The following PTPRO variants were observed in gnomAD, a reference collection of about 807,000 sequenced individuals.
PTPRO encodes protein tyrosine phosphatase receptor type O.
PTPRO carries 62 observed loss-of-function variants against 145.2 expected under a neutral mutation model. That is an observed-to-expected ratio of 0.43 (90% CI 0.35 to 0.53). The LOEUF (loss-of-function observed/expected upper bound fraction) is 0.53, where lower values mean the gene tolerates loss of function less well. Among genes scored for constraint, PTPRO ranks in the 20% least tolerant of loss-of-function variants. PTPRO has a pLI of 0.01. For synonymous variants in PTPRO, 565 were observed against 514.7 expected (o/e 1.10, Z -1.32); for missense variants, 1,345 against 1,482.7 (o/e 0.91, Z 1.53).
rs535624404 is a variant in PTPRO, at chr12:15,448,038, A to T, written c.76-35936A>T. Among the ~76,000 whole-genome samples the T allele has an allele frequency of 1.8e-4, 28 of 152,230 alleles. No homozygotes were observed. The South Asian group carries it at 5.8e-3, about 32-fold the overall frequency. The stretch of plus-strand genomic sequence containing the variant: ...TCCATTTTCAAATATTCCAAATGGC[A>T]TTTACTTGTGGTAACTGTAATAATA... On this transcript the variant is annotated intron_variant, in intron 1 of 26. Transcript: ENST00000281171.
At chr12:15,448,419 T>TA (rs1940962980) in intron 1 of PTPRO, among the ~76,000 whole-genome samples, 1 of 146,320 alleles carries the variant, frequency 6.8e-6, no homozygotes, top group Non-Finnish European at 1.5e-5. Context: ...TGTCTTCACT[T>TA]ACAGAAAGGC....
intron 1 of PTPRO, among the ~76,000 whole-genome samples, chr12:15,352,798 G>A (rs553656599): frequency 3.0e-4 from 45 of 152,206 alleles, no homozygotes; most frequent in African/African-American, 9.4e-4. Context: ...TGATACACAC[G>A]AATTGGAAGA....
At chr12:15,472,884 T>C (rs1475351974) in intron 1 of PTPRO, among the ~76,000 whole-genome samples, 2 of 152,156 alleles carry the variant, frequency 1.3e-5, no homozygotes, top group Non-Finnish European at 2.9e-5. Context: ...TCTGCATTCA[T>C]ACATACTGAA....
chr12:15,521,815 C>T (rs1167475018), intron 10 of PTPRO, among the ~76,000 whole-genome samples: 4 of 152,106 alleles, frequency 2.6e-5, no homozygotes, highest in African/African-American at 9.7e-5. Flanking sequence ...GGCTTCCTGG[C>T]TCAAGTGGTT....
chr12:15,391,154 C>T lies in PTPRO; in HGVS notation c.75+68353C>T, dbSNP rs187788488. On this transcript the variant is annotated intron_variant, in intron 1 of 26. Coordinates refer to ENST00000281171, the MANE Select transcript of PTPRO (RefSeq NM_030667.3). ...ACAAGGAACTGTGGGAGGATGTAAA[C>T]ATTCAGTCTATAACACAGCCCATCC... Among the ~76,000 whole-genome samples, 78 of 152,278 alleles carry T rather than the reference C, an allele frequency of 5.1e-4. No homozygotes were observed. In the Middle Eastern group the frequency reaches 0.01, roughly 20 times the overall value.
At chr12:15,420,856 G>T (rs989215321) in intron 1 of PTPRO, among the ~76,000 whole-genome samples, 1 of 152,160 alleles carries the variant, frequency 6.6e-6, no homozygotes, top group Non-Finnish European at 1.5e-5. Flanking sequence ...CGGGGCGTTT[G>T]TAAGAGTTGA....
chr12:15,359,173 T>A (rs1001406536), intron 1 of PTPRO, among the ~76,000 whole-genome samples: 2 of 152,206 alleles, frequency 1.3e-5, no homozygotes, highest in African/African-American at 4.8e-5. Flanking sequence ...AAAGAGTACC[T>A]CACTTTGTAG....
At chr12:15,473,939 A>G (rs1406583468) in intron 1 of PTPRO, among the ~76,000 whole-genome samples, 2 of 152,156 alleles carry the variant, frequency 1.3e-5, no homozygotes, top group African/African-American at 4.8e-5. Flanking sequence ...TATTTTATAA[A>G]TTAAGAAGAT....
At chr12:15,332,160 T>G (rs1252054927) in intron 1 of PTPRO, among the ~76,000 whole-genome samples, 1 of 152,108 alleles carries the variant, frequency 6.6e-6, no homozygotes, top group African/African-American at 2.4e-5. Context: ...AGAGACAGAA[T>G]TTCACCATGT....
chr12:15,469,577 C>T (rs1185143259), intron 1 of PTPRO, among the ~76,000 whole-genome samples: 1 of 152,070 alleles, frequency 6.6e-6, no homozygotes, highest in Non-Finnish European at 1.5e-5. Flanking sequence ...CCCATGGTAA[C>T]CTTCCATCAA....
intron 1 of PTPRO, among the ~76,000 whole-genome samples, chr12:15,466,437 T>C (rs1941417528): frequency 6.6e-6 from 1 of 152,198 alleles, no homozygotes; most frequent in South Asian, 2.1e-4. Context: ...TAGCATGATG[T>C]TGAGGTTTCC....
At chr12:15,453,179 T>C (rs926304357) in intron 1 of PTPRO, among the ~76,000 whole-genome samples, 2 of 152,084 alleles carry the variant, frequency 1.3e-5, no homozygotes, top group African/African-American at 4.8e-5. Flanking sequence ...GTAGTAGAGA[T>C]GGCATTTCAC....
At chr12:15,351,042 A>T (rs1248565182) in intron 1 of PTPRO, among the ~76,000 whole-genome samples, 3 of 152,130 alleles carry the variant, frequency 2.0e-5, no homozygotes, top group Non-Finnish European at 4.4e-5. Flanking sequence ...ACTGGCAGCA[A>T]TGGGTTTTTC....
At chr12:15,542,429 G>A (rs1031322494) in intron 12 of PTPRO, among the ~76,000 whole-genome samples, 12 of 152,228 alleles carry the variant, frequency 7.9e-5, no homozygotes, top group African/African-American at 2.9e-4. Context: ...CGGCCTACGG[G>A]CCATGGGTTG....
intron 1 of PTPRO, among the ~76,000 whole-genome samples, chr12:15,397,756 T>A (rs1261393742): frequency 6.6e-6 from 1 of 152,180 alleles, no homozygotes; most frequent in East Asian, 1.9e-4. Context: ...TTACATTCTA[T>A]CAGTTCTATG....
At chr12:15,433,609 A>C (rs1940513476) in intron 1 of PTPRO, among the ~76,000 whole-genome samples, 1 of 152,222 alleles carries the variant, frequency 6.6e-6, no homozygotes, top group Non-Finnish European at 1.5e-5. Context: ...TTTATTGAAT[A>C]GGGAGTCTTT....
intron 1 of PTPRO, among the ~76,000 whole-genome samples, chr12:15,439,184 G>A (rs1382314639): frequency 6.6e-6 from 1 of 152,142 alleles, no homozygotes; most frequent in Admixed American, 6.5e-5. Flanking sequence ...AGGTTTATAA[G>A]TGAAAGATAA....
In PTPRO at chr12:15,484,544, T is replaced by C. The variant is rs1007542734; in HGVS notation, c.349+297T>C. Among the ~76,000 whole-genome samples, 6 of 152,268 alleles carry C rather than the reference T, an allele frequency of 3.9e-5. No individual in the cohort carries two copies. The East Asian group carries it at 7.7e-4, about 20-fold the overall frequency. On this transcript the variant is annotated intron_variant, in intron 2 of 26. Coordinates refer to ENST00000281171, the MANE Select transcript of PTPRO (RefSeq NM_030667.3). ...GATTGGACCATGTAATTTTCTGCTATGTTGCTTAATAATGTCATCATAACT... is the reference window on the plus strand; with the variant it reads ...GATTGGACCATGTAATTTTCTGCTACGTTGCTTAATAATGTCATCATAACT...
At chr12:15,450,736 G>A (rs1031182575) in intron 1 of PTPRO, among the ~76,000 whole-genome samples, 1 of 151,972 alleles carries the variant, frequency 6.6e-6, no homozygotes, top group African/African-American at 2.4e-5. Context: ...TCGCACTACT[G>A]CACTCTAGCC....
Sources: gnomAD v4.1 joint callset for allele counts (sites outside exome capture counted in the v4.1 genomes callset) on GRCh38, gnomAD v4.1.1 for gene constraint, MANE v1.5 for transcripts, NCBI Gene and HGNC (gene_info 2026-07-23, HGNC 2026-07-21) for gene names.